Variants in ERICH6B observed in about 807,000 individuals in gnomAD.
ERICH6B encodes glutamate rich 6B.
Under a neutral mutation model 80.0 loss-of-function variants are expected in ERICH6B, and 69 were observed. The observed-to-expected ratio is 0.86, with a 90% CI of 0.71 to 1.05. The LOEUF (loss-of-function observed/expected upper bound fraction) is 1.05, where lower values mean the gene tolerates loss of function less well. Ranked by LOEUF, ERICH6B falls within the 50% of genes least tolerant of loss-of-function variation. The probability of loss-of-function intolerance (pLI) is 0.00; values close to 1 mark genes in which losing one functional copy is unlikely to be tolerated. For synonymous variants in ERICH6B, 283 were observed against 291.9 expected (o/e 0.97, Z 0.31); for missense variants, 754 against 796.1 (o/e 0.95, Z 0.64).
Position 45,587,628 on chromosome 13 carries a change from T to A in ERICH6B, c.687-396A>T, listed in dbSNP as rs555631439. Among the ~76,000 whole-genome samples the A allele has an allele frequency of 6.6e-5, 10 of 152,268 alleles. 1 individual carries two copies. The South Asian group carries it at 1.9e-3, about 28-fold the overall frequency. ...GATACTGAATTAGATGCTGCAGCAG[T>A]TTAAAATCAAGCAGTGAGGTCTGTC... On this transcript the variant is annotated intron_variant, in intron 4 of 14. Coordinates refer to ENST00000298738, the MANE Select transcript of ERICH6B (RefSeq NM_182542.3).
intron 8 of ERICH6B, among the ~76,000 whole-genome samples, chr13:45,571,677 G>C (rs1875174881): frequency 6.6e-6 from 1 of 152,210 alleles, no homozygotes; most frequent in African/African-American, 2.4e-5. Context: ...AGTCTGTGAA[G>C]TCTCCCTTAG....
In ERICH6B at chr13:45,596,856, A is replaced by T. The variant is rs780526523; in HGVS notation, c.150T>A (p.Ser50=). 6.4e-7 allele frequency: 1 copy of T among 1,551,748 alleles called. No homozygotes were observed. The part of the protein sequence containing the change: ...EESLQDESPF[S]PEGESLEDKE... Reference sequence around the variant, plus strand: ...TGTCCTCCAGAGACTCTCCCTCTGGAGAAAATGGAGATTCATCCTGTAGAC... The same window carrying T: ...TGTCCTCCAGAGACTCTCCCTCTGGTGAAAATGGAGATTCATCCTGTAGAC... Residue 50 remains serine (S), a synonymous_variant, in exon 3 of 15, where the codon TCT becomes TCA. Coordinates refer to ENST00000298738, the MANE Select transcript of ERICH6B (RefSeq NM_182542.3).
intron 3 of ERICH6B, among the ~76,000 whole-genome samples, chr13:45,595,781 C>T (rs1198900718): frequency 6.6e-6 from 1 of 150,962 alleles, no homozygotes. Flanking sequence ...TAGCTGGGAC[C>T]ACAGGTGTGT....
At chr13:45,611,670 C>T (rs777732422) in intron 1 of ERICH6B, among the ~76,000 whole-genome samples, 4 of 152,208 alleles carry the variant, frequency 2.6e-5, no homozygotes, top group Non-Finnish European at 5.9e-5. Context: ...ACACCCCACA[C>T]AGGTGGGGTG....
At chr13:45,606,529 ATATATATATATATATATATTTTTTTT>A (rs1187223874) in intron 2 of ERICH6B, among the ~76,000 whole-genome samples, 15 of 23,106 alleles carry the variant, frequency 6.5e-4, no homozygotes, top group East Asian at 1.5e-3. Context: ...ATATATATAT[ATATATATATATATATATATTTTTTTT>A]TTTTTTTTTT....
At chr13:45,561,626 G>T in intron 10 of ERICH6B, 100 bp from the exon 11 acceptor site, 1 of 1,356,858 alleles carries the variant, frequency 7.4e-7, no homozygotes, top group Non-Finnish European at 9.9e-7. Flanking sequence ...GAGTTTGAGG[G>T]TTTGGGAGAT....
At chr13:45,580,560 T>A in intron 6 of ERICH6B, 43 bp downstream of exon 6, 1 of 1,543,192 alleles carries the variant, frequency 6.5e-7, no homozygotes, top group Non-Finnish European at 8.8e-7. Context: ...CTGGGATGGA[T>A]GACTAACTTC....
intron 2 of ERICH6B, among the ~76,000 whole-genome samples, chr13:45,606,572 G>T (rs2138036768): frequency 5.0e-5 from 2 of 39,970 alleles, no homozygotes; most frequent in South Asian, 7.7e-4. Flanking sequence ...TTTTTTTTTG[G>T]AGACAGAGTC....
At chr13:45,555,332 C>T (rs963328263) in intron 11 of ERICH6B, 1 of 152,218 alleles carries the variant, frequency 6.6e-6, no homozygotes, top group African/African-American at 2.4e-5. Flanking sequence ...TATAGGAGTT[C>T]TGACTGGTCC....
At position 45,574,918 on chromosome 13, in the gene ERICH6B, G is replaced by A. The variant is rs922367097; in HGVS notation, c.974C>T (p.Ala325Val). 23 of 1,551,142 alleles carry A rather than the reference G, an allele frequency of 1.5e-5. No homozygotes were observed. The highest frequency in any genetic ancestry group is 1.8e-5 in the Non-Finnish European group (21 of 1,146,768). The change falls in exon 8 of 15, where the codon GCT becomes GTT. Residue 325 changes from alanine to valine, a missense_variant. By Grantham distance (64) the Ala-to-Val change is moderately conservative. Coordinates refer to ENST00000298738, the MANE Select transcript of ERICH6B (RefSeq NM_182542.3). ...QKKEENVLEF[A>V]SKENFWDGIT... ...ACCATCCCAAAAGTTCTCTTTAGAA[G>A]CAAACTCCAGGACTTTCGATTTTGG...
chr13:45,573,778 C>A (rs1239312840), intron 8 of ERICH6B, among the ~76,000 whole-genome samples: 1 of 152,164 alleles, frequency 6.6e-6, no homozygotes, highest in Non-Finnish European at 1.5e-5. Flanking sequence ...CCTGATATAG[C>A]AAAACATCAA....
chr13:45,546,901 T>G (rs1050152959), intron 13 of ERICH6B, among the ~76,000 whole-genome samples: 2 of 152,204 alleles, frequency 1.3e-5, no homozygotes, highest in African/African-American at 4.8e-5. Context: ...CTTCCCACTT[T>G]CCATTGAACA....
intron 8 of ERICH6B, among the ~76,000 whole-genome samples, chr13:45,570,131 A>T (rs1383658694): frequency 6.6e-6 from 1 of 152,042 alleles, no homozygotes; most frequent in East Asian, 1.9e-4. Flanking sequence ...GGTTTATTCC[A>T]TTTGTTTGCC....
chr13:45,602,054 C>A (rs1396240203), intron 2 of ERICH6B, among the ~76,000 whole-genome samples: 1 of 152,134 alleles, frequency 6.6e-6, no homozygotes, highest in Non-Finnish European at 1.5e-5. Context: ...CAGTTCATGC[C>A]ATGGGGAGAG....
intron 14 of ERICH6B, among the ~76,000 whole-genome samples, chr13:45,543,420 T>C (rs1486273516): frequency 1.3e-5 from 2 of 152,134 alleles, no homozygotes; most frequent in Non-Finnish European, 2.9e-5. Context: ...AAGTTAAGGC[T>C]CTCAGGATGA....
intron 8 of ERICH6B, among the ~76,000 whole-genome samples, chr13:45,571,643 G>A (rs578036913): frequency 1.3e-5 from 2 of 152,340 alleles, no homozygotes; most frequent in South Asian, 4.1e-4. Flanking sequence ...ATATGTTGAA[G>A]TTCAATACCT....
intron 13 of ERICH6B, among the ~76,000 whole-genome samples, chr13:45,547,997 A>C (rs1874058023): frequency 1.3e-5 from 2 of 152,142 alleles, no homozygotes; most frequent in African/African-American, 2.4e-5. Flanking sequence ...CAGGGGGTGA[A>C]AAGATCCTGA....
At chr13:45,584,256 G>A (rs1199304823) in intron 5 of ERICH6B, among the ~76,000 whole-genome samples, 2 of 152,180 alleles carry the variant, frequency 1.3e-5, no homozygotes, top group Non-Finnish European at 2.9e-5. Context: ...GCCATAACTA[G>A]TGTTTCCAGT....
intron 8 of ERICH6B, among the ~76,000 whole-genome samples, chr13:45,570,788 G>A (rs540403781): frequency 2.0e-5 from 3 of 151,280 alleles, no homozygotes; most frequent in East Asian, 1.9e-4. Context: ...TATGGCATTC[G>A]CTCCATTGCA....
Sources: allele counts gnomAD v4.1 joint callset (sites outside exome capture counted in the v4.1 genomes callset), GRCh38; gene constraint gnomAD v4.1.1; transcripts MANE v1.5; gene names NCBI Gene and HGNC (gene_info 2026-07-23, HGNC 2026-07-21).